ZNF618: variants seen among roughly 807,000 people sequenced by gnomAD.
ZNF618 encodes the protein neural precursor cell expressed, developmentally down-regulated 10.
In ZNF618, 34 loss-of-function variants were observed where a neutral mutation model predicts 103.0. That is an observed-to-expected ratio of 0.33 (90% CI 0.25 to 0.44). The LOEUF is 0.44. Among genes scored for constraint, ZNF618 ranks in the 20% least tolerant of loss-of-function variants. ZNF618 has a pLI of 1.00. For synonymous variants in ZNF618, 551 were observed against 542.2 expected, an observed-to-expected ratio of 1.02 and a Z score of -0.23; for missense variants, 1,059 against 1,295.4, an observed-to-expected ratio of 0.82 and a Z score of 2.80.
intron 2 of ZNF618, among the ~76,000 whole-genome samples, chr9:113,972,794 C>T (rs770501561): frequency 2.5e-4 from 38 of 152,236 alleles, no homozygotes; most frequent in South Asian, 4.2e-4. Context: ...GGGCCCAGTG[C>T]GGTGGCTCAC....
chr9:113,997,269 A>G (rs997580004), intron 3 of ZNF618, among the ~76,000 whole-genome samples: 2 of 151,766 alleles, frequency 1.3e-5, no homozygotes, highest in Admixed American at 1.3e-4. Flanking sequence ...CACCATGCCC[A>G]GCTAATTTTT....
chr9:113,927,810 A>G (rs1256555668), intron 1 of ZNF618, among the ~76,000 whole-genome samples: 1 of 152,170 alleles, frequency 6.6e-6, no homozygotes, highest in African/African-American at 2.4e-5. Flanking sequence ...CTTTGTCCCT[A>G]CCCCACCATG....
intron 1 of ZNF618, among the ~76,000 whole-genome samples, chr9:113,955,144 C>G (rs1305703799): frequency 9.0e-6 from 1 of 110,514 alleles, no homozygotes; most frequent in Non-Finnish European, 1.8e-5. Flanking sequence ...AGAGTGACTT[C>G]TCTTTTTTTT....
intron 9 of ZNF618, among the ~76,000 whole-genome samples, chr9:114,010,161 TGTG>T (rs1842107803): frequency 6.6e-6 from 1 of 151,936 alleles, no homozygotes; most frequent in Non-Finnish European, 1.5e-5. Flanking sequence ...ATTAGCCAGG[TGTG>T]GTGACGCACA....
intron 6 of ZNF618, 150 bp from the exon 7 acceptor site, chr9:114,007,200 C>G: frequency 7.5e-6 from 5 of 669,228 alleles, no homozygotes; most frequent in Non-Finnish European, 1.0e-5. Context: ...TCCTCAGTTT[C>G]CTCATGTGTA....
intron 1 of ZNF618, among the ~76,000 whole-genome samples, chr9:113,925,963 C>T (rs1282369166): frequency 1.3e-5 from 2 of 152,142 alleles, no homozygotes; most frequent in East Asian, 1.9e-4. Flanking sequence ...CCTTCTTTAA[C>T]ACTGTCCTTC....
At chr9:113,882,021 A>G (rs181784705) in intron 1 of ZNF618, among the ~76,000 whole-genome samples, 1 of 152,294 alleles carries the variant, frequency 6.6e-6, no homozygotes, top group Admixed American at 6.5e-5. Context: ...GTTGCCAGAG[A>G]GAAGGATGAA....
chr9:113,988,662 C>G, intron 3 of ZNF618, 82 bp downstream of exon 3: 1 of 1,477,720 alleles, frequency 6.8e-7, no homozygotes, highest in East Asian at 2.4e-5. Context: ...CGGCCTGGCG[C>G]CTCTGCCCCC....
chr9:113,975,615 G>T (rs1838396458), intron 2 of ZNF618, among the ~76,000 whole-genome samples: 1 of 152,098 alleles, frequency 6.6e-6, no homozygotes, highest in Non-Finnish European at 1.5e-5. Flanking sequence ...GAGCATTTCA[G>T]ATTTCTGGGT....
intron 1 of ZNF618, among the ~76,000 whole-genome samples, chr9:113,942,399 C>T (rs1452391059): frequency 2.6e-5 from 4 of 152,006 alleles, no homozygotes; most frequent in Admixed American, 6.5e-5. Context: ...GAAGGTAGGA[C>T]GCAGGAGTTG....
intron 1 of ZNF618, among the ~76,000 whole-genome samples, chr9:113,881,296 C>T (rs1233093202): frequency 6.6e-6 from 1 of 152,158 alleles, no homozygotes; most frequent in Non-Finnish European, 1.5e-5. Flanking sequence ...CCCAGAATTT[C>T]TGTCTTAGTC....
intron 13 of ZNF618, among the ~76,000 whole-genome samples, chr9:114,044,626 T>C (rs1845500143): frequency 6.6e-6 from 1 of 152,202 alleles, no homozygotes; most frequent in Non-Finnish European, 1.5e-5. Context: ...GTAGATGCTG[T>C]TGGCAGTATG....
At chr9:113,928,928 G>T (rs1213175093) in intron 1 of ZNF618, among the ~76,000 whole-genome samples, 6 of 152,176 alleles carry the variant, frequency 3.9e-5, no homozygotes, top group African/African-American at 1.4e-4. Context: ...ACAGGCTGGA[G>T]TTGTCCAGTT....
intron 1 of ZNF618, among the ~76,000 whole-genome samples, chr9:113,943,757 G>A (rs1432149882): frequency 3.3e-5 from 5 of 152,080 alleles, no homozygotes; most frequent in African/African-American, 1.2e-4. Context: ...GAGAAGCAGA[G>A]GGGATGAGGG....
chr9:113,879,584 A>G (rs1338879337), intron 1 of ZNF618, among the ~76,000 whole-genome samples: 3 of 151,678 alleles, frequency 2.0e-5, no homozygotes, highest in African/African-American at 7.3e-5. Context: ...GTGACCAGAA[A>G]TGGACATGTG....
rs1422734335 is a variant in ZNF618 at position 114,052,488 on chromosome 9, G to C, written c.*2321G>C. On this transcript the variant is annotated 3_prime_UTR_variant, in exon 15 of 15. Coordinates refer to ENST00000374126, the MANE Select transcript of ZNF618 (RefSeq NM_001318042.2). ...CAGGAACCTCATGTCACTTCCTAGG[G>C]AATATGGGAAGAAACATCAGCAGAC... 6.6e-6 allele frequency: 1 copy of C among 152,428 alleles called. No individual in the cohort carries two copies. Among genetic ancestry groups the C allele is most frequent in the Non-Finnish European group, 1.5e-5 (1 of 68,046 alleles). 9.4% of individuals were successfully genotyped at this position (152,428 alleles called of 1,614,324 possible).
chr9:113,901,432 A>G (rs1302269847), intron 1 of ZNF618, among the ~76,000 whole-genome samples: 3 of 152,206 alleles, frequency 2.0e-5, no homozygotes, highest in African/African-American at 7.2e-5. Flanking sequence ...CGGCTGAGCT[A>G]GCATCTGCTT....
chr9:113,959,273 G>A (rs1016530396), intron 1 of ZNF618, among the ~76,000 whole-genome samples: 3 of 151,600 alleles, frequency 2.0e-5, no homozygotes, highest in Admixed American at 6.6e-5. Context: ...GGCAACAAGA[G>A]TGAAACTCTG....
intron 1 of ZNF618, among the ~76,000 whole-genome samples, chr9:113,907,840 GTTGT>G (rs1423734031): frequency 6.6e-6 from 1 of 152,196 alleles, no homozygotes; most frequent in African/African-American, 2.4e-5. Context: ...TTCCGATGGG[GTTGT>G]TTGATTTATC....
Sources: gnomAD v4.1 joint callset for allele counts (sites outside exome capture counted in the v4.1 genomes callset) on GRCh38, gnomAD v4.1.1 for gene constraint, MANE v1.5 for transcripts, NCBI Gene and HGNC (gene_info 2026-07-23, HGNC 2026-07-21) for gene names.